CDH4: variants seen among roughly 807,000 people sequenced by gnomAD.
CDH4 encodes the protein cadherin-4.
In CDH4, 33 loss-of-function variants were observed where a neutral mutation model predicts 86.0. The observed-to-expected ratio is 0.38, with a 90% CI of 0.29 to 0.51. The LOEUF (loss-of-function observed/expected upper bound fraction) is 0.51, where lower values mean the gene tolerates loss of function less well. Among genes scored for constraint, CDH4 ranks in the 20% least tolerant of loss-of-function variants. CDH4 has a pLI of 0.86. For missense variants in CDH4, 1,114 were observed against 1,307.4 expected (o/e 0.85, Z 2.28); for synonymous variants, 555 against 549.4 (o/e 1.01, Z -0.14).
intron 9 of CDH4, among the ~76,000 whole-genome samples, chr20:61,920,749 T>G (rs924113799): frequency 2.0e-5 from 3 of 146,772 alleles, no homozygotes; most frequent in Non-Finnish European, 4.5e-5. Flanking sequence ...GGTGATTGCA[T>G]GGAAGCATGG....
At chr20:61,647,540 C>T (rs150265292) in intron 2 of CDH4, among the ~76,000 whole-genome samples, 28,708 of 109,102 alleles carry the variant, frequency 0.26, 6,130 homozygotes, top group Non-Finnish European at 0.34. Flanking sequence ...TCTCCCTCTC[C>T]CTCTCCCTCT....
At chr20:61,737,603 G>A (rs1244904811) in intron 2 of CDH4, among the ~76,000 whole-genome samples, 1 of 152,202 alleles carries the variant, frequency 6.6e-6, no homozygotes, top group Non-Finnish European at 1.5e-5. Flanking sequence ...TGTTCAGTAA[G>A]TGTTTGTGGG....
intron 2 of CDH4, among the ~76,000 whole-genome samples, chr20:61,426,990 A>C (rs1459809795): frequency 6.6e-6 from 1 of 152,240 alleles, no homozygotes; most frequent in Non-Finnish European, 1.5e-5. Flanking sequence ...TCTCTTTAGT[A>C]ATGTTCATGT....
At chr20:61,419,225 G>A (rs1366566648) in intron 2 of CDH4, among the ~76,000 whole-genome samples, 1 of 152,158 alleles carries the variant, frequency 6.6e-6, no homozygotes, top group African/African-American at 2.4e-5. Context: ...CGCAGCAGGT[G>A]CAGCTGAGAG....
At chr20:61,344,554 T>A in intron 2 of CDH4, among the ~76,000 whole-genome samples, 1 of 152,232 alleles carries the variant, frequency 6.6e-6, no homozygotes, top group Non-Finnish European at 1.5e-5. Context: ...TTTTGTTTTC[T>A]ATATTTGCCA....
chr20:61,927,292 CCA>C (rs2055054995), intron 11 of CDH4, among the ~76,000 whole-genome samples: 1 of 152,168 alleles, frequency 6.6e-6, no homozygotes, highest in Admixed American at 6.5e-5. Context: ...CTCTCTGTCC[CCA>C]GATTCCAGCC....
At chr20:61,327,164 A>G (rs768398536) in intron 2 of CDH4, among the ~76,000 whole-genome samples, 1 of 152,184 alleles carries the variant, frequency 6.6e-6, no homozygotes, top group African/African-American at 2.4e-5. Flanking sequence ...TCTTTTATCT[A>G]AAAAAATGTA....
chr20:61,405,261 C>T (rs1326864222), intron 2 of CDH4, among the ~76,000 whole-genome samples: 1 of 151,494 alleles, frequency 6.6e-6, no homozygotes, highest in African/African-American at 2.4e-5. Flanking sequence ...GCGCCGTTCT[C>T]GGGCAGTGAT....
intron 2 of CDH4, among the ~76,000 whole-genome samples, chr20:61,578,425 G>A (rs1209121197): frequency 6.6e-6 from 1 of 152,198 alleles, no homozygotes; most frequent in Non-Finnish European, 1.5e-5. Context: ...ACAAATTAGT[G>A]CAAAATAACT....
chr20:61,746,162 G>A lies in CDH4; in HGVS notation c.396+2373G>A, dbSNP rs117760393. On this transcript the variant is annotated intron_variant, in intron 3 of 15. Transcript: ENST00000614565. ...CCCACCTGTGAGTCCGGCGTATGTC[G>A]TTTTCGTACTTTCCTGAGTGATTAT... Among the ~76,000 whole-genome samples, 94 of 151,748 alleles carry A rather than the reference G, an allele frequency of 6.2e-4. No individual in the cohort carries two copies. In the East Asian group the frequency reaches 0.016, roughly 25 times the overall value.
intron 3 of CDH4, among the ~76,000 whole-genome samples, chr20:61,745,571 A>G (rs6061791): frequency 0.11 from 16,319 of 152,192 alleles, 969 homozygotes; most frequent in Admixed American, 0.14. Context: ...CCAAATCATG[A>G]GCCCCACCTG....
chr20:61,633,998 C>A (rs928175014), intron 2 of CDH4, among the ~76,000 whole-genome samples: 1 of 152,176 alleles, frequency 6.6e-6, no homozygotes, highest in African/African-American at 2.4e-5. Context: ...GTTTTCAAGG[C>A]GGGTTCTGCT....
At chr20:61,263,515 C>T (rs1407737547) in intron 2 of CDH4, among the ~76,000 whole-genome samples, 1 of 152,188 alleles carries the variant, frequency 6.6e-6, no homozygotes, top group Non-Finnish European at 1.5e-5. Context: ...TGTCAGGAGA[C>T]CTGCAGCCTA....
chr20:61,412,379 A>G (rs2085124318), intron 2 of CDH4, among the ~76,000 whole-genome samples: 1 of 152,112 alleles, frequency 6.6e-6, no homozygotes, highest in Non-Finnish European at 1.5e-5. Flanking sequence ...TATTTACATG[A>G]TGGAAATTGG....
chr20:61,719,941 C>A (rs1217155994), intron 2 of CDH4, among the ~76,000 whole-genome samples: 1 of 152,156 alleles, frequency 6.6e-6, no homozygotes, highest in Non-Finnish European at 1.5e-5. Context: ...TAAGACATTG[C>A]GGTGTGCTCC....
intron 2 of CDH4, among the ~76,000 whole-genome samples, chr20:61,327,027 C>A (rs1430133879): frequency 6.6e-6 from 1 of 152,128 alleles, no homozygotes; most frequent in East Asian, 1.9e-4. Context: ...GCAAGATTAC[C>A]CCTTACTCTT....
chr20:61,648,042 CA>C (rs909521720), intron 2 of CDH4, among the ~76,000 whole-genome samples: 1 of 152,202 alleles, frequency 6.6e-6, no homozygotes, highest in Non-Finnish European at 1.5e-5. Flanking sequence ...CAATTAGGGG[CA>C]CGACTCACTG....
chr20:61,901,737 C>T (rs142174893), intron 8 of CDH4, among the ~76,000 whole-genome samples: 271 of 152,366 alleles, frequency 1.8e-3, no homozygotes, highest in African/African-American at 6.2e-3. Context: ...TCTGAGTAAG[C>T]GGCAGCTCAG....
rs762639968 is a variant in CDH4 at position 61,663,427 on chromosome 20, G to A, written c.170-80136G>A. On this transcript the variant is annotated intron_variant, in intron 2 of 15. Coordinates refer to ENST00000614565, the MANE Select transcript of CDH4 (RefSeq NM_001794.5). This position sits in a 1 kb window ranked among gnomAD's most constrained non-coding sequence, Gnocchi z 5.0. ...CGCTGAAACCTAGAAAAAGAGCTGC[G>A]TAAAAGACAATAATTCTGAAGGCTC... is the stretch of plus-strand genomic sequence containing the variant. Among the ~76,000 whole-genome samples, 13 of 152,222 alleles carry A rather than the reference G, an allele frequency of 8.5e-5. No homozygotes were observed. In the East Asian group the frequency reaches 9.6e-4, roughly 11 times the overall value.
Sources: allele counts gnomAD v4.1 joint callset (sites outside exome capture counted in the v4.1 genomes callset), GRCh38; gene constraint gnomAD v4.1.1; non-coding constraint Gnocchi (gnomAD v3.1); transcripts MANE v1.5; gene names NCBI Gene and HGNC (gene_info 2026-07-23, HGNC 2026-07-21).